The following PLA2G2F variants were observed in gnomAD, a reference collection of about 807,000 sequenced individuals.
The protein encoded by PLA2G2F is group IIF secretory phospholipase A2.
A neutral mutation model predicts 15.9 loss-of-function variants in PLA2G2F; 17 were observed. That is an observed-to-expected ratio of 1.07 (90% CI 0.73 to 1.60). PLA2G2F has a LOEUF of 1.60. PLA2G2F is among the 40% of genes most tolerant of loss of function. The pLI, the probability that PLA2G2F is intolerant of heterozygous loss-of-function variation, is 0.00. For synonymous variants in PLA2G2F, 119 were observed against 106.5 expected (o/e 1.12, Z -0.72); for missense variants, 299 against 278.2 (o/e 1.07, Z -0.53).
Position 20,143,559 on chromosome 1 carries a change from G to A in PLA2G2F, c.283G>A (p.Gly95Ser), listed in dbSNP as rs1210165086. The A allele has an allele frequency of 7.4e-6, 12 of 1,613,884 alleles. No individual in the cohort carries two copies. The highest frequency in any genetic ancestry group is 9.3e-6 in the Non-Finnish European group (11 of 1,179,944). ...CTACGGTTGCTACTGTGGGCTGGGG[G>A]GCCGTGGCCAGCCCAAGGATGAGGT... Reference protein sequence around the residue: ...VGYGCYCGLGGRGQPKDEVDW... With the variant: ...VGYGCYCGLGSRGQPKDEVDW... The change falls in exon 3 of 5, where the codon GGC becomes AGC. Residue 95 changes from glycine (G) to serine (S), a missense_variant. Coordinates refer to ENST00000375102, the MANE Select transcript of PLA2G2F (RefSeq NM_022819.4).
In PLA2G2F at chr1:20,143,553, C is replaced by G; in HGVS notation, c.277C>G (p.Leu93Val). ...CGTGGGCTACGGTTGCTACTGTGGG[C>G]TGGGGGGCCGTGGCCAGCCCAAGGA... ...SFVGYGCYCGLGGRGQPKDEV... is the reference protein window; with the variant it reads ...SFVGYGCYCGVGGRGQPKDEV... Residue 93 changes from leucine (L) to valine (V), a missense_variant, in exon 3 of 5, where the codon CTG becomes GTG. Coordinates refer to ENST00000375102, the MANE Select transcript of PLA2G2F (RefSeq NM_022819.4). 1 of 1,614,020 alleles carries G rather than the reference C, an allele frequency of 6.2e-7. No homozygotes were observed. Among genetic ancestry groups the G allele is most frequent in the South Asian group, 1.1e-5 (1 of 91,072 alleles).
chr1:20,144,354 G>A (rs1200432588), intron 3 of PLA2G2F, among the ~76,000 whole-genome samples: 1 of 152,242 alleles, frequency 6.6e-6, no homozygotes, highest in African/African-American at 2.4e-5. Context: ...CCTGGGAGGG[G>A]CAGGTCTGGC....
Position 20,149,224 on chromosome 1 carries a change from AC to A in PLA2G2F, c.*829del, listed in dbSNP as rs1387853176. 6.6e-5 allele frequency: 10 copies of A among 151,854 alleles called. No individual in the cohort carries two copies. Among genetic ancestry groups the A allele is most frequent in the African/African-American group, 1.7e-4 (7 of 41,196 alleles). The allele number at this position is 151,854 out of a possible 1,614,324, so 9.4% of individuals were successfully genotyped here. A position where few individuals can be genotyped will look rare whatever the true frequency, so the allele number is the denominator to read the frequency against. ...CCACGTGGGTCTGAGGAGCACTCCTACCCCCCGGCTCCGGGTCCCTGACAGA... is the reference window on the plus strand; with the variant it reads ...CCACGTGGGTCTGAGGAGCACTCCTACCCCCGGCTCCGGGTCCCTGACAGA... On this transcript the variant is annotated 3_prime_UTR_variant, in exon 5 of 5. Transcript: ENST00000375102.
Position 20,141,004 on chromosome 1 carries a change from G to T in PLA2G2F, c.169+786G>T, listed in dbSNP as rs1190559337. The T allele has an allele frequency of 2.6e-5, 4 of 152,228 alleles. No individual in the cohort carries two copies. In the East Asian group the frequency reaches 7.7e-4, roughly 29 times the overall value. The allele number at this position is 152,228 out of a possible 1,614,324, so 9.4% of individuals were successfully genotyped here. The stretch of plus-strand genomic sequence containing the variant: ...GCCTGTTAAACCTCGCCAGAACACA[G>T]CCTGGCTTGAGGAAAAGAAATAAAT... On this transcript the variant is annotated intron_variant, in intron 2 of 4. Transcript: ENST00000375102.
intron 4 of PLA2G2F, among the ~76,000 whole-genome samples, chr1:20,146,816 C>T (rs1280830141): frequency 6.6e-6 from 1 of 152,060 alleles, no homozygotes; most frequent in Non-Finnish European, 1.5e-5. Flanking sequence ...TAGCAGATGC[C>T]CCCCTATTAA....
intron 2 of PLA2G2F, 193 bp downstream of exon 2, chr1:20,140,411 T>C (rs1421513648): frequency 1.7e-6 from 1 of 593,996 alleles, no homozygotes; most frequent in Non-Finnish European, 3.0e-6. Flanking sequence ...CCTGTAAACA[T>C]GCATTTATGA....
In PLA2G2F at chr1:20,139,369, TC is replaced by T; in HGVS notation, c.-58del. The T allele has an allele frequency of 7.4e-7, 1 of 1,347,002 alleles. No homozygotes were observed. Among genetic ancestry groups the T allele is most frequent in the Non-Finnish European group, 1.0e-6 (1 of 961,768 alleles). 83.4% of individuals were successfully genotyped at this position (1,347,002 alleles called of 1,614,324 possible). A position where few individuals can be genotyped will look rare whatever the true frequency, so the allele number is the denominator to read the frequency against. ...AAGCTGGGGCCTGCTCCCCGCAGCC[TC>T]TGGAGCGCATCTCAGACCTTCTGAG... On this transcript the variant is annotated 5_prime_UTR_variant, in exon 1 of 5. Transcript: ENST00000375102.
At chr1:20,140,922 G>A (rs2017451598) in intron 2 of PLA2G2F, 1 of 152,216 alleles carries the variant, frequency 6.6e-6, no homozygotes, top group Non-Finnish European at 1.5e-5. Context: ...TCATTTATGT[G>A]GCAGGTGTCC....
chr1:20,148,152 C>T (rs1473537524), intron 4 of PLA2G2F, 38 bp from the exon 5 acceptor site: 1 of 1,557,916 alleles, frequency 6.4e-7, no homozygotes, highest in Non-Finnish European at 8.9e-7. Context: ...GCTGCTGCCC[C>T]TTTCATCCAC....
At chr1:20,139,632 G>T (rs1375219946) in intron 1 of PLA2G2F, 89 bp downstream of exon 1, 4 of 1,022,316 alleles carry the variant, frequency 3.9e-6, no homozygotes, top group Non-Finnish European at 5.6e-6. Context: ...TTTCTCCTAA[G>T]AGTCCACGTG....
intron 2 of PLA2G2F, chr1:20,141,300 G>A (rs2017462706): frequency 6.6e-6 from 1 of 152,392 alleles, no homozygotes. Flanking sequence ...GTGTGCAAGT[G>A]TGTGTATCAG....
At chr1:20,145,284 ATT>A (rs201526266) in intron 4 of PLA2G2F, among the ~76,000 whole-genome samples, 6 of 140,922 alleles carry the variant, frequency 4.3e-5, no homozygotes, top group Admixed American at 7.2e-5. Flanking sequence ...TAAAACATGT[ATT>A]TTTTTTTTTT....
rs546246432 is a variant in PLA2G2F, at chr1:20,147,242, G to C, written c.425-948G>C. 2.6e-5 allele frequency among the ~76,000 whole-genome samples: 4 copies of C among 152,210 alleles called. No homozygotes were observed. In the South Asian group the frequency reaches 6.2e-4, roughly 24 times the overall value. On this transcript the variant is annotated intron_variant, in intron 4 of 4. Transcript: ENST00000375102. ...GACCTACTGAATCTGATACTTAGGG[G>C]TGAGGTCCAGCAGTCTTTGTTGGAA...
intron 2 of PLA2G2F, chr1:20,143,225 C>T (rs2017511671): frequency 1.9e-6 from 1 of 531,796 alleles, no homozygotes; most frequent in Non-Finnish European, 3.3e-6. Flanking sequence ...CTCAGGGCCG[C>T]AGGGATGTGG....
chr1:20,142,702 A>T (rs2017501879), intron 2 of PLA2G2F: 1 of 152,250 alleles, frequency 6.6e-6, no homozygotes, highest in Non-Finnish European at 1.5e-5. Flanking sequence ...ACCTCCAGCC[A>T]GTATCAGCCT....
intron 2 of PLA2G2F, chr1:20,141,941 G>A (rs532456196): frequency 2.6e-4 from 39 of 152,348 alleles, no homozygotes; most frequent in African/African-American, 8.7e-4. Context: ...GCTGGGCTTG[G>A]TTATTGGCCT....
rs1569896141 is a variant in PLA2G2F at position 20,143,254 on chromosome 1, A to G, written c.170-192A>G. ...GATGTGGGTGCACACCATACATGGT[A>G]CCTTGCAGATTTCTTTCCTCTGGCT... On this transcript the variant is annotated intron_variant, in intron 2 of 4. Coordinates refer to ENST00000375102, the MANE Select transcript of PLA2G2F (RefSeq NM_022819.4). 9.4e-6 allele frequency: 6 copies of G among 635,680 alleles called. No individual in the cohort carries two copies. The East Asian group carries it at 1.1e-4, about 12-fold the overall frequency. The allele number at this position is 635,680 out of a possible 1,614,324, so 39.4% of individuals were successfully genotyped here.
rs781588766 is a variant in PLA2G2F at position 20,148,371 on chromosome 1, C to T, written c.606C>T (p.His202=). 1.2e-6 allele frequency: 2 copies of T among 1,613,774 alleles called. No homozygotes were observed. The highest frequency in any genetic ancestry group is 1.1e-5 in the South Asian group (1 of 91,072). ...EPPPEEVTCS[H]QSPAPPAPP ...CCCCTGAGGAGGTCACCTGCAGTCA[C>T]CAATCCCCAGCGCCCCCCGCCCCTC... The change falls in exon 5 of 5, where the codon CAC becomes CAT. Residue 202 remains histidine, a synonymous_variant. Coordinates refer to ENST00000375102, the MANE Select transcript of PLA2G2F (RefSeq NM_022819.4).
At chr1:20,147,390 T>C (rs568981466) in intron 4 of PLA2G2F, among the ~76,000 whole-genome samples, 1 of 152,220 alleles carries the variant, frequency 6.6e-6, no homozygotes, top group East Asian at 1.9e-4. Context: ...GAGAGGCTCT[T>C]AGGCACTAAG....
Sources: allele counts gnomAD v4.1 joint callset (sites outside exome capture counted in the v4.1 genomes callset), GRCh38; gene constraint gnomAD v4.1.1; transcripts MANE v1.5; gene names NCBI Gene and HGNC (gene_info 2026-07-23, HGNC 2026-07-21).